The following RUBCN variants were observed in gnomAD, a reference collection of about 807,000 sequenced individuals.
RUBCN encodes the protein rubicon autophagy regulator.
A neutral mutation model predicts 113.2 loss-of-function variants in RUBCN; 74 were observed. The ratio of observed to expected loss-of-function variants is 0.65; its 90% CI spans 0.54 to 0.79. The LOEUF (loss-of-function observed/expected upper bound fraction) is 0.79, where lower values mean the gene tolerates loss of function less well. Ranked by LOEUF, RUBCN falls within the 30% of genes least tolerant of loss-of-function variation. The pLI is 0.00. For missense variants in RUBCN, 1,109 were observed against 1,251.7 expected (o/e 0.89, Z 1.72); for synonymous variants, 480 against 490.0 (o/e 0.98, Z 0.27).
At position 197,675,500 on chromosome 3, in the gene RUBCN, C is replaced by G; in HGVS notation, c.2662G>C (p.Gly888Arg). The G allele has an allele frequency of 6.2e-7, 1 of 1,613,996 alleles. No homozygotes were observed. Among genetic ancestry groups the G allele is most frequent in the Non-Finnish European group, 8.5e-7 (1 of 1,179,948 alleles). Residue 888 changes from glycine (G) to arginine (R), a missense_variant, in exon 19 of 20, where the codon GGC (glycine) becomes CGC (arginine). By Grantham distance (125) the Gly-to-Arg change is moderately radical. Around this residue, in one of 3 missense-constraint regions of RUBCN, gnomAD observed 306 missense variants for 348.9 expected, o/e 0.88. Transcript: ENST00000296343. The surrounding 1 kb of genome is among the most constrained non-coding windows in gnomAD (Gnocchi z 4.4). ...TTCTGACAGAACTCACAGATGAAGC[C>G]TTTGGCTTGGCAGAGCTGGGGAGGA... ...VERCMLCQAK[G>R]FICEFCQNED...
intron 1 of RUBCN, among the ~76,000 whole-genome samples, chr3:197,721,163 T>C (rs910881220): frequency 3.3e-5 from 5 of 152,196 alleles, no homozygotes; most frequent in African/African-American, 9.6e-5. Flanking sequence ...CCTTCGATTT[T>C]GTGGAATAAT....
rs199845215 is a variant in RUBCN at position 197,685,883 on chromosome 3, A to T, written c.1787-1666T>A. On this transcript the variant is annotated intron_variant, in intron 11 of 19. Coordinates refer to ENST00000296343, the MANE Select transcript of RUBCN (RefSeq NM_014687.4). ...GACTTTCACAGACTGTTTGGTTTGC[A>T]ACATTTATTTGGGTAACACTTACAC... is the stretch of plus-strand genomic sequence containing the variant. 9.8e-4 allele frequency among the ~76,000 whole-genome samples: 149 copies of T among 152,350 alleles called. 1 individual carries two copies. Among genetic ancestry groups the T allele is most frequent in the African/African-American group, 3.5e-3 (144 of 41,588 alleles).
At position 197,683,391 on chromosome 3, in the gene RUBCN, C is replaced by A; in HGVS notation, c.1896G>T (p.Gly632=). 1 of 1,614,176 alleles carries A rather than the reference C, an allele frequency of 6.2e-7. No homozygotes were observed. The highest frequency in any genetic ancestry group is 2.2e-5 in the East Asian group (1 of 44,884). ...GCATCCCCTCAAACTGCTTCAGGAG[C>A]CCCATGGCCACCGCCTCAGCAGACG... ...HSTSAEAVAM[G]LLKQFEGMQL... Residue 632 remains glycine, a synonymous_variant, in exon 13 of 20, where the codon GGG becomes GGT. Transcript: ENST00000296343. The surrounding 1 kb of genome is among the most constrained non-coding windows in gnomAD (Gnocchi z 4.6).
At position 197,700,829 on chromosome 3, in the gene RUBCN, T is replaced by C. The variant is rs1723565006; in HGVS notation, c.1045A>G (p.Ser349Gly). The change falls in exon 7 of 20, where the codon AGC (serine) becomes GGC (glycine). Residue 349 changes from serine to glycine, a missense_variant. Coordinates refer to ENST00000296343, the MANE Select transcript of RUBCN (RefSeq NM_014687.4). ...CTGGAGGAGAACAAATTGGAACTGCTGCTCTCGGCATTGCTGCTGTGACTC... is the reference window on the plus strand; with the variant it reads ...CTGGAGGAGAACAAATTGGAACTGCCGCTCTCGGCATTGCTGCTGTGACTC... ...CQSHSSNAES[S>G]SSNLFSSSSS... is the part of the protein sequence containing the mutation. 1 of 1,614,122 alleles carries C rather than the reference T, an allele frequency of 6.2e-7. No individual in the cohort carries two copies. Among genetic ancestry groups the C allele is most frequent in the Non-Finnish European group, 8.5e-7 (1 of 1,180,012 alleles).
chr3:197,689,386 C>T (rs1171139180), intron 11 of RUBCN, among the ~76,000 whole-genome samples: 1 of 152,104 alleles, frequency 6.6e-6, no homozygotes, highest in East Asian at 1.9e-4. Flanking sequence ...TAAAACCTGT[C>T]ATGTGTATAA....
At chr3:197,679,603 C>T (rs543422828) in intron 16 of RUBCN, among the ~76,000 whole-genome samples, 73 of 146,344 alleles carry the variant, frequency 5.0e-4, no homozygotes, top group African/African-American at 1.6e-3. Flanking sequence ...GACTGTCCTA[C>T]GCTCTGACAA....
At chr3:197,710,427 C>G (rs1327174510) in intron 2 of RUBCN, among the ~76,000 whole-genome samples, 1 of 151,668 alleles carries the variant, frequency 6.6e-6, no homozygotes, top group South Asian at 2.1e-4. Flanking sequence ...ATGGTGAAAC[C>G]CCATCTCTAC....
upstream of RUBCN, chr3:197,736,945 C>G: frequency 7.5e-7 from 1 of 1,332,374 alleles, no homozygotes; most frequent in South Asian, 1.9e-5. Flanking sequence ...CCGGCGAGCA[C>G]TCCGAGGCTA....
chr3:197,715,105 C>T (rs1199002709), intron 2 of RUBCN, among the ~76,000 whole-genome samples: 11 of 151,894 alleles, frequency 7.2e-5, no homozygotes, highest in Non-Finnish European at 1.6e-4. Context: ...GCCTGACCAA[C>T]ATGGAGAAAC....
chr3:197,674,095 C>G lies in RUBCN; in HGVS notation c.*923G>C, dbSNP rs1720064545. 1 of 152,300 alleles carries G rather than the reference C, an allele frequency of 6.6e-6. No homozygotes were observed. The highest frequency in any genetic ancestry group is 1.5e-5 in the Non-Finnish European group (1 of 68,138). 9.4% of individuals were successfully genotyped at this position (152,300 alleles called of 1,614,324 possible). ...CGCTAAGAAGATGGTGGGTGAGGTTCCTGTCCTCACCTTAGGATGGCATCA... is the reference window on the plus strand; with the variant it reads ...CGCTAAGAAGATGGTGGGTGAGGTTGCTGTCCTCACCTTAGGATGGCATCA... On this transcript the variant is annotated 3_prime_UTR_variant, in exon 20 of 20. Transcript: ENST00000296343.
At chr3:197,725,883 A>G (rs1336667415) in intron 1 of RUBCN, among the ~76,000 whole-genome samples, 1 of 152,068 alleles carries the variant, frequency 6.6e-6, no homozygotes, top group East Asian at 1.9e-4. Context: ...CAATCTAAAT[A>G]CCAACTTTGC....
intron 1 of RUBCN, among the ~76,000 whole-genome samples, chr3:197,745,052 C>A (rs375039310): frequency 6.7e-6 from 1 of 148,310 alleles, no homozygotes; most frequent in East Asian, 2.0e-4. Context: ...TTTGGGAGGC[C>A]GAGGTGGGCA....
chr3:197,719,193 G>A (rs1346770683), intron 1 of RUBCN, among the ~76,000 whole-genome samples: 3 of 152,056 alleles, frequency 2.0e-5, no homozygotes, highest in Non-Finnish European at 4.4e-5. Context: ...AGAACATCAT[G>A]AGGCTGGACG....
intron 2 of RUBCN, among the ~76,000 whole-genome samples, chr3:197,708,844 CTTT>C (rs1169469310): frequency 6.6e-6 from 1 of 152,076 alleles, no homozygotes; most frequent in Non-Finnish European, 1.5e-5. Flanking sequence ...TCTGAAAAGC[CTTT>C]TCAGTAAAGG....
At position 197,684,183 on chromosome 3, in the gene RUBCN, G is replaced by T. The variant is rs372122733; in HGVS notation, c.1821C>A (p.Ser607Arg). 204 of 1,613,362 alleles carry T rather than the reference G, an allele frequency of 1.3e-4. No individual in the cohort carries two copies. The highest frequency in any genetic ancestry group is 1.6e-4 in the Non-Finnish European group (194 of 1,179,492). Reference sequence around the variant, plus strand: ...AGGACTGGGAGGAAACGAAGGATTTGCTGCTTGAGGCTGTGTTCCTTCTGA... The same window carrying T: ...AGGACTGGGAGGAAACGAAGGATTTTCTGCTTGAGGCTGTGTTCCTTCTGA... Reference protein sequence around the residue: ...ADIRRNTASSSKSFVSSQSFS... With the variant: ...ADIRRNTASSRKSFVSSQSFS... The change falls in exon 12 of 20, where the codon AGC becomes AGA. Residue 607 changes from serine to arginine, a missense_variant. Physicochemically the swap from Ser to Arg is moderately radical, Grantham distance 110 (BLOSUM62 -1). Coordinates refer to ENST00000296343, the MANE Select transcript of RUBCN (RefSeq NM_014687.4).
At chr3:197,743,009 C>T (rs531520989) in intron 1 of RUBCN, among the ~76,000 whole-genome samples, 43 of 152,190 alleles carry the variant, frequency 2.8e-4, no homozygotes, top group Non-Finnish European at 4.4e-4. Flanking sequence ...TGAGAGGTCC[C>T]ACCCCTGAGT....
intron 1 of RUBCN, among the ~76,000 whole-genome samples, chr3:197,718,652 T>C (rs1725810649): frequency 2.6e-5 from 4 of 152,154 alleles, no homozygotes; most frequent in Non-Finnish European, 5.9e-5. Flanking sequence ...GGTCTCACTA[T>C]GCTGCCCAAC....
intron 2 of RUBCN, among the ~76,000 whole-genome samples, chr3:197,708,605 T>C (rs916044337): frequency 2.7e-5 from 4 of 145,468 alleles, no homozygotes; most frequent in Non-Finnish European, 6.0e-5. Flanking sequence ...GCTGAAAGAA[T>C]GGCTTTCCAA....
chr3:197,675,322 G>C lies in RUBCN; in HGVS notation c.2740+100C>G, dbSNP rs1720250578. On this transcript the variant is annotated intron_variant, in intron 19 of 19. Coordinates refer to ENST00000296343, the MANE Select transcript of RUBCN (RefSeq NM_014687.4). This position sits in a 1 kb window ranked among gnomAD's most constrained non-coding sequence, Gnocchi z 4.4. ...GTGTCCCCTGGGGAGGCCCCGCGAG[G>C]TGCTGAGTGGCACCGAACTCTTGCT... 1.3e-6 allele frequency: 2 copies of C among 1,501,630 alleles called. No individual in the cohort carries two copies. Among genetic ancestry groups the C allele is most frequent in the Non-Finnish European group, 1.9e-6 (2 of 1,079,822 alleles). The allele number at this position is 1,501,630 out of a possible 1,614,324, so 93.0% of individuals were successfully genotyped here.
Sources: gnomAD v4.1 joint callset for allele counts (sites outside exome capture counted in the v4.1 genomes callset) on GRCh38, gnomAD v4.1.1 for gene constraint, gnomAD v4.1.1 regional missense constraint, Gnocchi (gnomAD v3.1) non-coding constraint, MANE v1.5 for transcripts, NCBI Gene and HGNC (gene_info 2026-07-23, HGNC 2026-07-21) for gene names.